Variants in UNK observed in about 807,000 individuals in gnomAD.
The protein encoded by UNK is unk zinc finger, also known as RING finger protein unkempt homolog.
UNK carries 32 observed loss-of-function variants against 97.6 expected under a neutral mutation model. That is an observed-to-expected ratio of 0.33 (90% CI 0.25 to 0.44). The LOEUF is 0.44. Ranked by LOEUF, UNK falls within the 20% of genes least tolerant of loss-of-function variation. The pLI is 1.00. For synonymous variants in UNK, 441 were observed against 461.2 expected (o/e 0.96, Z 0.56); for missense variants, 771 against 1,098.4 (o/e 0.70, Z 4.21).
At chr17:75,822,295 C>T (rs940103076) in intron 13 of UNK, among the ~76,000 whole-genome samples, 182 bp from the exon 14 acceptor site, 8 of 152,202 alleles carry the variant, frequency 5.3e-5, no homozygotes, top group East Asian at 1.9e-4. Flanking sequence ...GGTCTGACTC[C>T]GCCCACGCCA....
At chr17:75,809,722 C>G in intron 1 of UNK, 38 bp from the exon 2 acceptor site, 1 of 1,557,904 alleles carries the variant, frequency 6.4e-7, no homozygotes, top group Non-Finnish European at 8.7e-7. Flanking sequence ...ACTTCATTCT[C>G]TGCTCCCGGC....
rs1199070223 is a variant in UNK, at chr17:75,818,148, C to A, written c.1351C>A (p.Pro451Thr). 6.2e-7 allele frequency: 1 copy of A among 1,613,566 alleles called. No individual in the cohort carries two copies. Among genetic ancestry groups the A allele is most frequent in the East Asian group, 2.2e-5 (1 of 44,870 alleles). Residue 451 changes from proline to threonine, a missense_variant, in exon 10 of 16, where the codon CCT becomes ACT. Physicochemically the swap from Pro to Thr is conservative, Grantham distance 38 (BLOSUM62 -1). This residue lies in a region of UNK where 192 missense variants were observed against 202.4 expected (regional missense o/e 0.95). Transcript: ENST00000589666. The surrounding 1 kb of genome is among the most constrained non-coding windows in gnomAD (Gnocchi z 5.1). ...HSLEPRSQEQ[P>T]LLQPKQDMLG... ...ATTAGAGCCCAGGAGTCAAGAGCAGCCTCTGCTTCAGCCCAAACAGGTATA... is the reference window on the plus strand; with the variant it reads ...ATTAGAGCCCAGGAGTCAAGAGCAGACTCTGCTTCAGCCCAAACAGGTATA...
At chr17:75,812,375 C>T in intron 3 of UNK, 80 bp from the exon 4 acceptor site, 2 of 1,582,750 alleles carry the variant, frequency 1.3e-6, no homozygotes, top group Non-Finnish European at 1.7e-6. Flanking sequence ...GTACCTCAGA[C>T]TGCAGTGGAG....
rs888819187 is a variant in UNK, at chr17:75,788,671, AT to A, written c.104+3697del. 7.3e-4 allele frequency among the ~76,000 whole-genome samples: 110 copies of A among 149,968 alleles called. No individual in the cohort carries two copies. In the East Asian group the frequency reaches 7.6e-3, roughly 10 times the overall value. Reference sequence around the variant, plus strand: ...CCAGCCACTTTTATTTTTATTTTTAATTTTTTTTTTAAATTTATTTTTGTCA... The same window carrying A: ...CCAGCCACTTTTATTTTTATTTTTAATTTTTTTTTAAATTTATTTTTGTCA... On this transcript the variant is annotated intron_variant, in intron 1 of 15. Coordinates refer to ENST00000589666, the MANE Select transcript of UNK (RefSeq NM_001080419.3).
intron 1 of UNK, 65 bp downstream of exon 1, chr17:75,785,049 C>G: frequency 8.2e-7 from 1 of 1,222,394 alleles, no homozygotes; most frequent in Non-Finnish European, 1.1e-6. Flanking sequence ...GCGTGAGTCA[C>G]GCGCGCAGGG....
At chr17:75,811,581 G>C (rs1348368476) in intron 2 of UNK, among the ~76,000 whole-genome samples, 4 of 152,352 alleles carry the variant, frequency 2.6e-5, no homozygotes, top group Non-Finnish European at 5.9e-5. Flanking sequence ...GCCAGGCCCT[G>C]TTGGGCCCCA....
At position 75,816,777 on chromosome 17, in the gene UNK, CCT is replaced by C. The variant is rs1273146748; in HGVS notation, c.970_971del (p.Leu324GlufsTer2). The C allele has an allele frequency of 6.2e-7, 1 of 1,602,434 alleles. No homozygotes were observed. Among genetic ancestry groups the C allele is most frequent in the Non-Finnish European group, 8.5e-7 (1 of 1,179,224 alleles). ...TGCCCCTGACTCTTGCAGAGCCACCCCTGAGTGACGACCTGCAGCCTTCCTCA... is the reference window on the plus strand; with the variant it reads ...TGCCCCTGACTCTTGCAGAGCCACCCGAGTGACGACCTGCAGCCTTCCTCA... ...CAFAHVEQPP[L>X]SDDLQPSSAV... On this transcript the variant is annotated frameshift_variant, in exon 8 of 16. Coordinates refer to ENST00000589666, the MANE Select transcript of UNK (RefSeq NM_001080419.3). LOFTEE classifies it high-confidence loss of function. This position sits in a 1 kb window ranked among gnomAD's most constrained non-coding sequence, Gnocchi z 4.0.
rs1183930914 is a variant in UNK at position 75,789,597 on chromosome 17, A to G, written c.104+4613A>G. On this transcript the variant is annotated intron_variant, in intron 1 of 15. Coordinates refer to ENST00000589666, the MANE Select transcript of UNK (RefSeq NM_001080419.3). ...GTGATCTGCCCGTCTCGGCCTCCCA[A>G]AGTGCTGGGATTACAGGCATGAACC... Among the ~76,000 whole-genome samples the G allele has an allele frequency of 2.6e-5, 4 of 152,130 alleles. No homozygotes were observed. In the East Asian group the frequency reaches 7.7e-4, roughly 29 times the overall value.
intron 14 of UNK, 125 bp from the exon 15 acceptor site, chr17:75,823,140 C>CT: frequency 6.9e-7 from 1 of 1,442,926 alleles, no homozygotes; most frequent in Non-Finnish European, 9.2e-7. Flanking sequence ...CCTTGCCCTC[C>CT]TCCCAGAGAG....
chr17:75,792,132 T>C (rs746808225), intron 1 of UNK: 105 of 942,564 alleles, frequency 1.1e-4, no homozygotes, highest in Non-Finnish European at 1.3e-4. Flanking sequence ...GCCAGACCTT[T>C]ACCTAAAGGT....
intron 1 of UNK, chr17:75,792,348 C>T (rs939391868): frequency 4.1e-6 from 4 of 985,216 alleles, no homozygotes; most frequent in Non-Finnish European, 4.8e-6. Flanking sequence ...TCCCACTATC[C>T]GTATGCATCT....
At position 75,818,129 on chromosome 17, in the gene UNK, G is replaced by A; in HGVS notation, c.1332G>A (p.Glu444=). The A allele has an allele frequency of 6.2e-7, 1 of 1,613,444 alleles. No homozygotes were observed. The highest frequency in any genetic ancestry group is 1.1e-5 in the South Asian group (1 of 91,076). Reference sequence around the variant, plus strand: ...CCAAATTAAAACCCCACTCATTAGAGCCCAGGAGTCAAGAGCAGCCTCTGC... The same window carrying A: ...CCAAATTAAAACCCCACTCATTAGAACCCAGGAGTCAAGAGCAGCCTCTGC... ...CQAKLKPHSL[E]PRSQEQPLLQ... The change falls in exon 10 of 16, where the codon GAG becomes GAA. Residue 444 remains glutamate, a synonymous_variant. Transcript: ENST00000589666. The surrounding 1 kb of genome is among the most constrained non-coding windows in gnomAD (Gnocchi z 5.1).
At chr17:75,805,844 GTATAATA>G (rs1567801001) in intron 1 of UNK, among the ~76,000 whole-genome samples, 1 of 147,782 alleles carries the variant, frequency 6.8e-6, no homozygotes, top group East Asian at 1.9e-4. Flanking sequence ...GTGTGTGTGT[GTATAATA>G]TATATGTATG....
In UNK at chr17:75,818,723, C is replaced by G; in HGVS notation, c.1453C>G (p.Pro485Ala). 1 of 1,613,204 alleles carries G rather than the reference C, an allele frequency of 6.2e-7. No homozygotes were observed. Among genetic ancestry groups the G allele is most frequent in the Admixed American group, 1.7e-5 (1 of 59,936 alleles). ...TATCACCTCCAGCCTGGCAGCTACC[C>G]CCCCTAGCCCAGTGGGCACCAGCAG... ...SSITSSLAAT[P>A]PSPVGTSSVP... Residue 485 changes from proline to alanine, a missense_variant, in exon 11 of 16, where the codon CCC becomes GCC. Pro to Ala is a conservative substitution (Grantham distance 27). Transcript: ENST00000589666. The surrounding 1 kb of genome is among the most constrained non-coding windows in gnomAD (Gnocchi z 5.1).
intron 1 of UNK, among the ~76,000 whole-genome samples, chr17:75,798,532 G>T (rs1252365180): frequency 6.6e-6 from 1 of 151,970 alleles, no homozygotes; most frequent in Non-Finnish European, 1.5e-5. Context: ...TTTTAGTAGA[G>T]ATGGGGTTTT....
chr17:75,822,543 C>A lies in UNK; in HGVS notation c.1904C>A (p.Ser635Tyr). 1 of 1,613,642 alleles carries A rather than the reference C, an allele frequency of 6.2e-7. No individual in the cohort carries two copies. The highest frequency in any genetic ancestry group is 8.5e-7 in the Non-Finnish European group (1 of 1,179,816). Residue 635 changes from serine to tyrosine, a missense_variant, in exon 14 of 16, where the codon TCC becomes TAC. By Grantham distance (144) the Ser-to-Tyr change is moderately radical. Around this residue, in one of 5 missense-constraint regions of UNK, gnomAD observed 208 missense variants for 257.4 expected, o/e 0.81. Transcript: ENST00000589666. Reference protein sequence around the residue: ...FASGSFSPGTSPAFLSGPGAA... With the variant: ...FASGSFSPGTYPAFLSGPGAA... ...TCTGGAAGCTTCTCCCCGGGCACTTCCCCCGCTTTCCTATCAGGGCCAGGG... is the reference window on the plus strand; with the variant it reads ...TCTGGAAGCTTCTCCCCGGGCACTTACCCCGCTTTCCTATCAGGGCCAGGG...
At chr17:75,808,945 C>G (rs2061943018) in intron 1 of UNK, 1 of 152,184 alleles carries the variant, frequency 6.6e-6, no homozygotes, top group Non-Finnish European at 1.5e-5. Flanking sequence ...GTTACACATG[C>G]AGGGCAGAGG....
At chr17:75,795,844 AC>A (rs1307910178) in intron 1 of UNK, among the ~76,000 whole-genome samples, 1 of 152,112 alleles carries the variant, frequency 6.6e-6, no homozygotes, top group Non-Finnish European at 1.5e-5. Flanking sequence ...CTAATTGCAC[AC>A]CCTTCCTGGC....
In UNK at chr17:75,794,233, G is replaced by C. The variant is rs1049693149; in HGVS notation, c.104+9249G>C. 13 of 932,054 alleles carry C rather than the reference G, an allele frequency of 1.4e-5. No homozygotes were observed. The African/African-American group carries it at 2.3e-4, about 17-fold the overall frequency. The allele number at this position is 932,054 out of a possible 1,614,324, so 57.7% of individuals were successfully genotyped here. A position where few individuals can be genotyped will look rare whatever the true frequency, so the allele number is the denominator to read the frequency against. The stretch of plus-strand genomic sequence containing the variant: ...TTTTATTTCAGCAACTTATTTTATG[G>C]TATTGTAGTTATGGCCTGTCCGAAA... On this transcript the variant is annotated intron_variant, in intron 1 of 15. Coordinates refer to ENST00000589666, the MANE Select transcript of UNK (RefSeq NM_001080419.3).
Sources: allele counts gnomAD v4.1 joint callset (sites outside exome capture counted in the v4.1 genomes callset), GRCh38; gene constraint gnomAD v4.1.1; regional missense constraint gnomAD v4.1.1; non-coding constraint Gnocchi (gnomAD v3.1); transcripts MANE v1.5; gene names NCBI Gene and HGNC (gene_info 2026-07-23, HGNC 2026-07-21).